Variants in KAZN observed in about 807,000 individuals in gnomAD.
The protein encoded by KAZN is kazrin, periplakin interacting protein.
A neutral mutation model predicts 87.4 loss-of-function variants in KAZN; 40 were observed. That is an observed-to-expected ratio of 0.46 (90% CI 0.36 to 0.60). The LOEUF is 0.60. Among genes scored for constraint, KAZN ranks in the 20% least tolerant of loss-of-function variants. The pLI is 0.00. For missense variants in KAZN, 898 were observed against 1,073.9 expected (o/e 0.84, Z 2.29); for synonymous variants, 466 against 458.3 (o/e 1.02, Z -0.22).
chr1:14,417,886 C>T (rs944161539), intron 2 of KAZN, among the ~76,000 whole-genome samples: 16 of 151,102 alleles, frequency 1.1e-4, no homozygotes, highest in Non-Finnish European at 2.4e-4. Context: ...GTCCCAGCTA[C>T]TCGGTAGGCC....
intron 2 of KAZN, among the ~76,000 whole-genome samples, chr1:14,584,360 C>T (rs1284416464): frequency 3.3e-5 from 5 of 152,156 alleles, no homozygotes; most frequent in Non-Finnish European, 7.3e-5. Context: ...GTTGTTCAAG[C>T]CTTCTCTGGG....
At chr1:15,014,841 C>T (rs538361309) in intron 2 of KAZN, among the ~76,000 whole-genome samples, 1 of 152,268 alleles carries the variant, frequency 6.6e-6, no homozygotes, top group East Asian at 1.9e-4. Flanking sequence ...ACCTGTCCCG[C>T]CTTCCGTGCC....
chr1:14,379,971 G>A (rs34552319), intron 2 of KAZN, among the ~76,000 whole-genome samples: 37,998 of 152,124 alleles, frequency 0.25, 5,093 homozygotes, highest in Non-Finnish European at 0.3. Flanking sequence ...CCCGGTGGTG[G>A]TGGGCACAGA....
intron 1 of KAZN, among the ~76,000 whole-genome samples, chr1:14,883,757 C>A (rs953424019): frequency 3.3e-5 from 5 of 152,194 alleles, no homozygotes; most frequent in Non-Finnish European, 7.3e-5. Flanking sequence ...GGGGGCCTAC[C>A]TTTGCCTTAA....
chr1:15,079,106 C>G (rs1410542462), intron 8 of KAZN, among the ~76,000 whole-genome samples: 1 of 152,144 alleles, frequency 6.6e-6, no homozygotes, highest in Non-Finnish European at 1.5e-5. Flanking sequence ...TCACCTCACC[C>G]TGGTCTAGAG....
intron 2 of KAZN, among the ~76,000 whole-genome samples, chr1:14,568,323 G>A (rs558968219): frequency 2.6e-5 from 4 of 152,246 alleles, no homozygotes; most frequent in South Asian, 2.1e-4. Context: ...GAGGACCCCC[G>A]CTTCAGAGGA....
chr1:14,446,278 C>CA (rs1226759741), intron 2 of KAZN, among the ~76,000 whole-genome samples: 1 of 151,868 alleles, frequency 6.6e-6, no homozygotes, highest in Non-Finnish European at 1.5e-5. Flanking sequence ...TGGCCACACA[C>CA]AAAAAATTAA....
exon 1 of KAZN, chr1:13,893,488 C>CAAGGA: frequency 1.8e-6 from 2 of 1,085,618 alleles, no homozygotes; most frequent in Non-Finnish European, 2.6e-6. Flanking sequence ...AGAAAAACTG[C>CAAGGA]AAGGAAAGGG....
intron 1 of KAZN, among the ~76,000 whole-genome samples, chr1:14,752,568 G>T (rs1439738801): frequency 6.6e-6 from 1 of 152,150 alleles, no homozygotes; most frequent in Non-Finnish European, 1.5e-5. Flanking sequence ...GCGCCTTCTT[G>T]CTATGTCCTC....
chr1:14,516,111 C>T (rs774641630), intron 2 of KAZN, among the ~76,000 whole-genome samples: 5 of 152,154 alleles, frequency 3.3e-5, no homozygotes, highest in Middle Eastern at 3.2e-3. Context: ...AGGTGTTTCG[C>T]TTGAGCAGCA....
chr1:14,948,204 T>C (rs1205281345), intron 1 of KAZN, among the ~76,000 whole-genome samples: 2 of 152,208 alleles, frequency 1.3e-5, no homozygotes, highest in African/African-American at 4.8e-5. Context: ...CAACTCAAAC[T>C]GGCTTAAATG....
chr1:14,014,876 A>C (rs1640491054), intron 1 of KAZN, among the ~76,000 whole-genome samples: 1 of 152,196 alleles, frequency 6.6e-6, no homozygotes, highest in African/African-American at 2.4e-5. Context: ...CAAGGCCAAA[A>C]TGCATTTTTT....
chr1:14,032,179 A>G (rs1641356812), intron 1 of KAZN, among the ~76,000 whole-genome samples: 1 of 152,156 alleles, frequency 6.6e-6, no homozygotes, highest in African/African-American at 2.4e-5. Context: ...GGGTCAGGGA[A>G]CCCAATTATT....
intron 1 of KAZN, among the ~76,000 whole-genome samples, chr1:14,852,211 A>G (rs777694283): frequency 2.0e-5 from 3 of 151,994 alleles, no homozygotes; most frequent in Non-Finnish European, 4.4e-5. Flanking sequence ...TGGACCCGGC[A>G]CTGGACAGCT....
At chr1:14,582,726 C>T (rs1188510697) in intron 2 of KAZN, among the ~76,000 whole-genome samples, 3 of 152,074 alleles carry the variant, frequency 2.0e-5, no homozygotes, top group African/African-American at 7.2e-5. Context: ...AACTGGTCTC[C>T]AAGGTTGTTT....
intron 1 of KAZN, among the ~76,000 whole-genome samples, chr1:13,923,296 G>A (rs1309285503): frequency 1.3e-5 from 2 of 152,174 alleles, no homozygotes; most frequent in African/African-American, 4.8e-5. Context: ...TACCATGGCT[G>A]GGGGTGGTGG....
At chr1:14,140,836 G>A (rs1034666269) in intron 1 of KAZN, among the ~76,000 whole-genome samples, 10 of 152,096 alleles carry the variant, frequency 6.6e-5, no homozygotes, top group African/African-American at 1.9e-4. Context: ...ATGGGAGATC[G>A]GCTGGGAAGA....
chr1:15,002,754 T>A (rs566088042), intron 2 of KAZN, among the ~76,000 whole-genome samples: 1 of 151,828 alleles, frequency 6.6e-6, no homozygotes, highest in South Asian at 2.1e-4. Context: ...GGCAGGCAGA[T>A]CACTTGAGGT....
chr1:14,870,669 C>T (rs1652036397), intron 1 of KAZN, among the ~76,000 whole-genome samples: 1 of 152,136 alleles, frequency 6.6e-6, no homozygotes, highest in African/African-American at 2.4e-5. Flanking sequence ...GGGTTCACGA[C>T]CGTGACTCCC....
Sources: gnomAD v4.1 joint callset for allele counts (sites outside exome capture counted in the v4.1 genomes callset) on GRCh38, gnomAD v4.1.1 for gene constraint, MANE v1.5 for transcripts, NCBI Gene and HGNC (gene_info 2026-07-23, HGNC 2026-07-21) for gene names.